Variants in SLC9A1 observed in about 807,000 individuals in gnomAD.
The protein encoded by SLC9A1 is solute carrier family 9 member A1.
A neutral mutation model predicts 67.9 loss-of-function variants in SLC9A1; 22 were observed. That is an observed-to-expected ratio of 0.32 (90% CI 0.23 to 0.46). The LOEUF (loss-of-function observed/expected upper bound fraction) is 0.46, where lower values mean the gene tolerates loss of function less well. SLC9A1 is among the 20% of genes least tolerant of loss of function. The probability of loss-of-function intolerance (pLI) is 1.00; values close to 1 mark genes in which losing one functional copy is unlikely to be tolerated. For synonymous variants in SLC9A1, 421 were observed against 471.8 expected (o/e 0.89, Z 1.40); for missense variants, 686 against 1,094.8 (o/e 0.63, Z 5.27).
In SLC9A1 at chr1:27,137,254, C is replaced by T. The variant is rs1056238460; in HGVS notation, c.352+16729G>A. 5.3e-5 allele frequency among the ~76,000 whole-genome samples: 8 copies of T among 152,208 alleles called. No homozygotes were observed. Among genetic ancestry groups the T allele is most frequent in the Non-Finnish European group, 1.2e-4 (8 of 68,038 alleles). ...CAGGCAGGAGGCCGCCTCACCTCTG[C>T]GGAGGGAACGATGTGGGAAGAAGGA... On this transcript the variant is annotated intron_variant, in intron 1 of 11. Transcript: ENST00000263980. The surrounding 1 kb of genome is among the most constrained non-coding windows in gnomAD (Gnocchi z 4.6).
intron 1 of SLC9A1, among the ~76,000 whole-genome samples, chr1:27,131,947 A>AAAAAAAATATATATATATAT: frequency 5.8e-5 from 3 of 52,124 alleles, no homozygotes; most frequent in African/African-American, 1.9e-4. Context: ...AGAAAAAAAA[A>AAAAAAAATATATATATATAT]ATATATATAT....
chr1:27,107,020 C>T (rs2083189692), intron 4 of SLC9A1, among the ~76,000 whole-genome samples: 1 of 151,448 alleles, frequency 6.6e-6, no homozygotes, highest in Non-Finnish European at 1.5e-5. Context: ...TCCCTCCTGT[C>T]TAGCTGTGCT....
chr1:27,150,191 T>C (rs927805005), intron 1 of SLC9A1, among the ~76,000 whole-genome samples: 1 of 152,184 alleles, frequency 6.6e-6, no homozygotes, highest in Non-Finnish European at 1.5e-5. Flanking sequence ...CTGATATCCA[T>C]GCATGTGAAG....
At chr1:27,150,146 C>T (rs915234896) in intron 1 of SLC9A1, among the ~76,000 whole-genome samples, 1 of 152,178 alleles carries the variant, frequency 6.6e-6, no homozygotes, top group Non-Finnish European at 1.5e-5. Flanking sequence ...GAGGCACCTT[C>T]TAGTGTCATT....
At position 27,154,307 on chromosome 1, in the gene SLC9A1, G is replaced by C; in HGVS notation, c.28C>G (p.Leu10Val). The C allele has an allele frequency of 6.2e-7, 1 of 1,602,316 alleles. No homozygotes were observed. The highest frequency in any genetic ancestry group is 8.5e-7 in the Non-Finnish European group (1 of 1,172,808). The change falls in exon 1 of 12, where the codon CTC becomes GTC. Residue 10 changes from leucine to valine, a missense_variant. Around this residue, in one of 7 missense-constraint regions of SLC9A1, gnomAD observed 143 missense variants for 166.7 expected, o/e 0.86. Coordinates refer to ENST00000263980, the MANE Select transcript of SLC9A1 (RefSeq NM_003047.5). The part of the protein sequence containing the change: MVLRSGICG[L>V]SPHRIFPSLL... ...GAAGGGAAGATCCGATGTGGAGAGA[G>C]GCCACAGATGCCAGACCGCAGAACC...
At chr1:27,150,099 T>C (rs186122821) in intron 1 of SLC9A1, among the ~76,000 whole-genome samples, 4 of 152,344 alleles carry the variant, frequency 2.6e-5, no homozygotes, top group Admixed American at 1.3e-4. Flanking sequence ...AGGTGACCTT[T>C]AGGCTATTTG....
intron 1 of SLC9A1, among the ~76,000 whole-genome samples, chr1:27,134,231 C>T (rs2083404574): frequency 1.3e-5 from 2 of 152,080 alleles, no homozygotes; most frequent in South Asian, 4.2e-4. Context: ...TTCAGAAACC[C>T]TTGGTTCAGT....
Position 27,137,850 on chromosome 1 carries a change from C to T in SLC9A1, c.352+16133G>A, listed in dbSNP as rs1259546300. ...ACTCAGCCCCTCCCTCCCCAATGTG[C>T]CCCTGACTCCACGCCCACTCTGCTC... On this transcript the variant is annotated intron_variant, in intron 1 of 11. Coordinates refer to ENST00000263980, the MANE Select transcript of SLC9A1 (RefSeq NM_003047.5). This position sits in a 1 kb window ranked among gnomAD's most constrained non-coding sequence, Gnocchi z 4.6. Among the ~76,000 whole-genome samples the T allele has an allele frequency of 1.3e-5, 2 of 152,200 alleles. No individual in the cohort carries two copies. The highest frequency in any genetic ancestry group is 2.4e-5 in the African/African-American group (1 of 41,442).
rs781432868 is a variant in SLC9A1, at chr1:27,154,210, G to C, written c.125C>G (p.Thr42Ser). 3.7e-6 allele frequency: 6 copies of C among 1,614,034 alleles called. No individual in the cohort carries two copies. Among genetic ancestry groups the C allele is most frequent in the African/African-American group, 1.3e-5 (1 of 74,924 alleles). The change falls in exon 1 of 12, where the codon ACT (threonine) becomes AGT (serine). Residue 42 changes from threonine (T) to serine (S), a missense_variant. Thr to Ser is a moderately conservative substitution (Grantham distance 58, BLOSUM62 1). Around this residue, in one of 7 missense-constraint regions of SLC9A1, gnomAD observed 143 missense variants for 166.7 expected, o/e 0.86. Coordinates refer to ENST00000263980, the MANE Select transcript of SLC9A1 (RefSeq NM_003047.5). Reference sequence around the variant, plus strand: ...CTCTGAGCTTCGAATGGTGCTGGCAGTTGGGCTGAGCTGGAGGCCATGGCT... The same window carrying C: ...CTCTGAGCTTCGAATGGTGCTGGCACTTGGGCTGAGCTGGAGGCCATGGCT... ...LRSHGLQLSP[T>S]ASTIRSSEPP...
At chr1:27,142,157 G>A (rs567582881) in intron 1 of SLC9A1, among the ~76,000 whole-genome samples, 2 of 152,288 alleles carry the variant, frequency 1.3e-5, no homozygotes, top group East Asian at 1.9e-4. Context: ...GTTTGCCAAT[G>A]CTACCAATAT....
At chr1:27,145,503 G>A (rs561540439) in intron 1 of SLC9A1, among the ~76,000 whole-genome samples, 2 of 152,250 alleles carry the variant, frequency 1.3e-5, no homozygotes, top group Non-Finnish European at 1.5e-5. Context: ...CAAATGCTAT[G>A]CAAGTGTTAG....
chr1:27,109,080 C>T lies in SLC9A1; in HGVS notation c.1064+447G>A, dbSNP rs1030116283. 2.0e-5 allele frequency among the ~76,000 whole-genome samples: 3 copies of T among 152,156 alleles called. No individual in the cohort carries two copies. The highest frequency in any genetic ancestry group is 4.4e-5 in the Non-Finnish European group (3 of 68,022). ...ATCCCATTCTCCCCATTTCCAGACC[C>T]GGTGGAGACCTCAGGACCGCCAGGA... On this transcript the variant is annotated intron_variant, in intron 3 of 11. Coordinates refer to ENST00000263980, the MANE Select transcript of SLC9A1 (RefSeq NM_003047.5). The surrounding 1 kb of genome is among the most constrained non-coding windows in gnomAD (Gnocchi z 5.5).
At chr1:27,104,166 C>T (rs939921908) in intron 5 of SLC9A1, 16 of 150,574 alleles carry the variant, frequency 1.1e-4, no homozygotes, top group African/African-American at 3.9e-4. Flanking sequence ...ACTGCAACCT[C>T]CACCTCCCGG....
rs765273604 is a variant in SLC9A1, at chr1:27,114,273, G to A, written c.366C>T (p.Ile122=). ...ACLMKIGFHV[I]PTISSIVPES... is the part of the protein sequence containing the mutation. ...CCGGGACGATGCTTGAGATAGTGGG[G>A]ATCACATGGAAACCTGCGGAGGGCG... Residue 122 remains isoleucine, a synonymous_variant, in exon 2 of 12, where the codon ATC becomes ATT. Coordinates refer to ENST00000263980, the MANE Select transcript of SLC9A1 (RefSeq NM_003047.5). The surrounding 1 kb of genome is among the most constrained non-coding windows in gnomAD (Gnocchi z 5.4). 6 of 1,609,164 alleles carry A rather than the reference G, an allele frequency of 3.7e-6. No individual in the cohort carries two copies. The South Asian group carries it at 6.6e-5, about 18-fold the overall frequency.
chr1:27,119,291 A>G (rs1208433645), intron 1 of SLC9A1, among the ~76,000 whole-genome samples: 1 of 151,832 alleles, frequency 6.6e-6, no homozygotes, highest in South Asian at 2.1e-4. Flanking sequence ...CCTTCCCGCA[A>G]CCCTCCTCTG....
intron 1 of SLC9A1, among the ~76,000 whole-genome samples, chr1:27,125,793 A>G (rs1373257595): frequency 6.6e-6 from 1 of 151,238 alleles, no homozygotes; most frequent in African/African-American, 2.4e-5. Flanking sequence ...AGGTTTCACC[A>G]TGTTGGCCAG....
Position 27,114,334 on chromosome 1 carries a change from G to C in SLC9A1, c.353-48C>G, listed in dbSNP as rs775413658. 2.0e-6 allele frequency: 3 copies of C among 1,512,778 alleles called. No individual in the cohort carries two copies. In the Admixed American group the frequency reaches 5.4e-5, roughly 27 times the overall value. 93.7% of individuals were successfully genotyped at this position (1,512,778 alleles called of 1,614,324 possible). On this transcript the variant is annotated intron_variant, in intron 1 of 11. Coordinates refer to ENST00000263980, the MANE Select transcript of SLC9A1 (RefSeq NM_003047.5). This position sits in a 1 kb window ranked among gnomAD's most constrained non-coding sequence, Gnocchi z 5.4. ...AGGCCATGGGCTTTCGGAGGAGCCAGGAGAATAGAAGGTTGGGGATGGGCC... is the reference window on the plus strand; with the variant it reads ...AGGCCATGGGCTTTCGGAGGAGCCACGAGAATAGAAGGTTGGGGATGGGCC...
At chr1:27,123,533 C>T (rs2083319458) in intron 1 of SLC9A1, among the ~76,000 whole-genome samples, 1 of 151,564 alleles carries the variant, frequency 6.6e-6, no homozygotes. Flanking sequence ...GACAGAGTCT[C>T]GCTCTGTCAC....
chr1:27,124,794 G>T (rs147856916), intron 1 of SLC9A1, among the ~76,000 whole-genome samples: 1 of 152,230 alleles, frequency 6.6e-6, no homozygotes, highest in Non-Finnish European at 1.5e-5. Flanking sequence ...TGACCTCTCA[G>T]AAGGGCCAGA....
Sources: allele counts gnomAD v4.1 joint callset (sites outside exome capture counted in the v4.1 genomes callset), GRCh38; gene constraint gnomAD v4.1.1; regional missense constraint gnomAD v4.1.1; non-coding constraint Gnocchi (gnomAD v3.1); transcripts MANE v1.5; gene names NCBI Gene and HGNC (gene_info 2026-07-23, HGNC 2026-07-21).